The following RGS12 variants were observed in gnomAD, a reference collection of about 807,000 sequenced individuals.
RGS12 encodes regulator of G-protein signaling 12.
Under a neutral mutation model 120.1 loss-of-function variants are expected in RGS12, and 66 were observed. The observed-to-expected ratio is 0.55, with a 90% CI of 0.45 to 0.67. The LOEUF (loss-of-function observed/expected upper bound fraction) is 0.67, where lower values mean the gene tolerates loss of function less well. RGS12 is among the 30% of genes least tolerant of loss of function. The pLI is 0.00. For missense variants in RGS12, 1,859 were observed against 1,957.7 expected, an observed-to-expected ratio of 0.95 and a Z score of 0.95; for synonymous variants, 827 against 804.7, an observed-to-expected ratio of 1.03 and a Z score of -0.47.
rs1337236184 is a variant in RGS12, at chr4:3,372,572, GC to G, written c.1999-13837del. Among the ~76,000 whole-genome samples the G allele has an allele frequency of 1.2e-4, 18 of 152,126 alleles. No homozygotes were observed. Among genetic ancestry groups the G allele is most frequent in the Non-Finnish European group, 2.6e-4 (18 of 68,020 alleles). On this transcript the variant is annotated intron_variant, in intron 3 of 17. Coordinates refer to ENST00000336727, the MANE Select transcript of RGS12 (RefSeq NM_001394154.1). This position sits in a 1 kb window ranked among gnomAD's most constrained non-coding sequence, Gnocchi z 4.3. ...GGCCGCCTCGGGTGCATCCACGCTGGCCCCCCCAGGTGTGCCCTGTGTGGCC... is the reference window on the plus strand; with the variant it reads ...GGCCGCCTCGGGTGCATCCACGCTGGCCCCCCAGGTGTGCCCTGTGTGGCC...
chr4:3,415,385 C>A (rs1452869659), intron 6 of RGS12, among the ~76,000 whole-genome samples: 1 of 152,172 alleles, frequency 6.6e-6, no homozygotes, highest in Admixed American at 6.5e-5. Flanking sequence ...GTATAACGCC[C>A]TCAGCCACAG....
At position 3,294,425 on chromosome 4, in the gene RGS12, G is replaced by A. The variant is rs201066026; in HGVS notation, c.-102+1326G>A. On this transcript the variant is annotated intron_variant, in intron 1 of 17. Transcript: ENST00000336727. The stretch of plus-strand genomic sequence containing the variant: ...GAGGGCAGAGCAATTCTGAGTAAGG[G>A]AGAACCAGTTTATATTTCACTTTAG... Among the ~76,000 whole-genome samples, 12 of 152,292 alleles carry A rather than the reference G, an allele frequency of 7.9e-5. No individual in the cohort carries two copies. The East Asian group carries it at 2.1e-3, about 27-fold the overall frequency.
the RGS12 span, among the ~76,000 whole-genome samples, chr4:3,288,014 C>T: frequency 2.6e-5 from 4 of 152,254 alleles, no homozygotes; most frequent in Admixed American, 2.0e-4. This position sits in a 1 kb window ranked among gnomAD's most constrained non-coding sequence, Gnocchi z 5.2. Context: ...GCGCCAGAGT[C>T]CCTCTGGGTC....
At chr4:3,293,225 C>T (rs1389968591) in intron 1 of RGS12, 126 bp downstream of exon 1, 2 of 146,274 alleles carry the variant, frequency 1.4e-5, no homozygotes, top group Non-Finnish European at 3.0e-5. Context: ...TGCGCGGCGC[C>T]CGTCCCCTCG....
chr4:3,332,617 C>G (rs546607703), intron 2 of RGS12, among the ~76,000 whole-genome samples: 4 of 152,340 alleles, frequency 2.6e-5, no homozygotes, highest in Non-Finnish European at 4.4e-5. Context: ...TGCGTTTCCT[C>G]TCTGTTGAGG....
the RGS12 span, among the ~76,000 whole-genome samples, chr4:3,287,377 ATCT>A: frequency 4.6e-5 from 7 of 152,168 alleles, no homozygotes; most frequent in African/African-American, 1.4e-4. Context: ...AAAAAAGGAC[ATCT>A]TCTCCAAATT....
chr4:3,375,189 T>C (rs1172121966), intron 3 of RGS12, among the ~76,000 whole-genome samples: 6 of 152,168 alleles, frequency 3.9e-5, no homozygotes, highest in African/African-American at 1.4e-4. Context: ...AGACAGTCGC[T>C]GAGTCTTGGT....
At chr4:3,427,084 A>T (rs917055886) in intron 14 of RGS12, among the ~76,000 whole-genome samples, 1 of 151,646 alleles carries the variant, frequency 6.6e-6, no homozygotes, top group African/African-American at 2.4e-5. Context: ...CCCCTCCCCA[A>T]CTCCTCACAG....
chr4:3,286,492 C>G, the RGS12 span, among the ~76,000 whole-genome samples: 8 of 152,362 alleles, frequency 5.3e-5, no homozygotes, highest in African/African-American at 1.9e-4. Context: ...ATCCATTACC[C>G]TAACCCTGAG....
intron 3 of RGS12, among the ~76,000 whole-genome samples, chr4:3,348,296 A>T (rs1018371411): frequency 3.3e-5 from 5 of 152,200 alleles, no homozygotes; most frequent in African/African-American, 1.2e-4. Flanking sequence ...AACCCACTCA[A>T]AGCTCAGTTT....
rs139676164 is a variant in RGS12, at chr4:3,377,305, C to T, written c.1999-9111C>T. 2.8e-3 allele frequency among the ~76,000 whole-genome samples: 422 copies of T among 152,298 alleles called. 3 individuals carry two copies. Among genetic ancestry groups the T allele is most frequent in the African/African-American group, 9.3e-3 (388 of 41,566 alleles). Reference sequence around the variant, plus strand: ...CAGGCTGGTCTCGAACTCCTGAGCTCAAGTGATCCTCCTTTCTAGGCCTCC... The same window carrying T: ...CAGGCTGGTCTCGAACTCCTGAGCTTAAGTGATCCTCCTTTCTAGGCCTCC... On this transcript the variant is annotated intron_variant, in intron 3 of 17. Transcript: ENST00000336727.
At chr4:3,354,979 A>G (rs951774774) in intron 3 of RGS12, among the ~76,000 whole-genome samples, 1 of 152,230 alleles carries the variant, frequency 6.6e-6, no homozygotes, top group Non-Finnish European at 1.5e-5. Flanking sequence ...CTTGGTATCA[A>G]AAATCTGACA....
chr4:3,293,012 G>C (rs1260479451), upstream of RGS12: 3 of 149,792 alleles, frequency 2.0e-5, no homozygotes, highest in East Asian at 2.0e-4. Context: ...CTCGACCCCG[G>C]GGGGCGGTGG....
intron 4 of RGS12, among the ~76,000 whole-genome samples, chr4:3,400,760 TAATAG>T (rs1246248241): frequency 6.7e-6 from 1 of 149,084 alleles, no homozygotes; most frequent in Non-Finnish European, 1.5e-5. Context: ...TAATAATTAG[TAATAG>T]AATATATATG....
chr4:3,349,908 A>AT (rs1257920594), intron 3 of RGS12, among the ~76,000 whole-genome samples: 1 of 152,202 alleles, frequency 6.6e-6, no homozygotes, highest in Non-Finnish European at 1.5e-5. Flanking sequence ...GTATCATTTA[A>AT]TTTAACATAG....
intron 4 of RGS12, chr4:3,413,660 C>T (rs1392824029): frequency 1.2e-5 from 2 of 165,374 alleles, no homozygotes; most frequent in Non-Finnish European, 2.6e-5. Context: ...CATCTTGTTG[C>T]CATGATGGTC....
At chr4:3,383,777 G>T (rs535501140) in intron 3 of RGS12, among the ~76,000 whole-genome samples, 1 of 152,170 alleles carries the variant, frequency 6.6e-6, no homozygotes, top group Non-Finnish European at 1.5e-5. Flanking sequence ...CCCGCAGCCT[G>T]TGCCCATCAC....
intron 1 of RGS12, among the ~76,000 whole-genome samples, chr4:3,296,816 G>T (rs766251344): frequency 4.6e-5 from 7 of 152,200 alleles, no homozygotes; most frequent in African/African-American, 2.4e-5. Flanking sequence ...AGGTGTCCTG[G>T]GAAGGAAGAC....
Position 3,431,687 on chromosome 4 carries a change from G to A in RGS12, c.4114+732G>A, listed in dbSNP as rs571856258. 443 of 985,734 alleles carry A rather than the reference G, an allele frequency of 4.5e-4. 1 individual carries two copies. The highest frequency in any genetic ancestry group is 3.1e-3 in the Middle Eastern group (6 of 1,914). The allele number at this position is 985,734 out of a possible 1,614,324, so 61.1% of individuals were successfully genotyped here. On this transcript the variant is annotated intron_variant, in intron 17 of 17. Transcript: ENST00000336727. ...TAGGGAAAGGTGTTTCCAGGGGTCCGAGGGCCGTGGCCTGCGTGGCCATCC... is the reference window on the plus strand; with the variant it reads ...TAGGGAAAGGTGTTTCCAGGGGTCCAAGGGCCGTGGCCTGCGTGGCCATCC...
Sources: allele counts gnomAD v4.1 joint callset (sites outside exome capture counted in the v4.1 genomes callset), GRCh38; gene constraint gnomAD v4.1.1; non-coding constraint Gnocchi (gnomAD v3.1); transcripts MANE v1.5; gene names NCBI Gene and HGNC (gene_info 2026-07-23, HGNC 2026-07-21).